PRKG1: variants seen among roughly 807,000 people sequenced by gnomAD.
PRKG1 encodes cGMP-dependent protein kinase 1.
PRKG1 carries 35 observed loss-of-function variants against 88.1 expected under a neutral mutation model. That is an observed-to-expected ratio of 0.40 (90% CI 0.30 to 0.53). The LOEUF is 0.53. Ranked by LOEUF, PRKG1 falls within the 20% of genes least tolerant of loss-of-function variation. The pLI is 0.59. For missense variants in PRKG1, 540 were observed against 839.8 expected (o/e 0.64, Z 4.41); for synonymous variants, 303 against 292.5 (o/e 1.04, Z -0.37).
chr10:51,997,157 T>C (rs1475058120), intron 5 of PRKG1, among the ~76,000 whole-genome samples: 1 of 151,974 alleles, frequency 6.6e-6, no homozygotes, highest in Non-Finnish European at 1.5e-5. Flanking sequence ...TGTTGGTCAA[T>C]GGATCCAAAA....
At chr10:51,325,499 C>T (rs1467186363) in intron 2 of PRKG1, among the ~76,000 whole-genome samples, 1 of 152,162 alleles carries the variant, frequency 6.6e-6, no homozygotes, top group Non-Finnish European at 1.5e-5. Context: ...GTGCCTGGCT[C>T]TTCAAGTTTT....
chr10:51,245,219 G>T (rs1302650845), intron 2 of PRKG1: 1 of 151,992 alleles, frequency 6.6e-6, no homozygotes, highest in Admixed American at 6.6e-5. Flanking sequence ...CTCTGAATAT[G>T]AGAGGCTTCC....
chr10:51,473,949 A>T (rs1219761095), intron 3 of PRKG1, among the ~76,000 whole-genome samples: 4 of 151,958 alleles, frequency 2.6e-5, no homozygotes, highest in South Asian at 2.1e-4. Context: ...GAGGAATAAA[A>T]AGTAAACTAG....
intron 3 of PRKG1, among the ~76,000 whole-genome samples, chr10:51,786,062 C>T (rs570810182): frequency 1.2e-4 from 19 of 152,238 alleles, no homozygotes; most frequent in South Asian, 8.3e-4. Flanking sequence ...TCCTGTAAAT[C>T]TGTAGCTAAC....
At chr10:51,879,632 CTTTAAACCTGCCTCCCTTGGT>C (rs1841387243) in intron 4 of PRKG1, among the ~76,000 whole-genome samples, 1 of 152,192 alleles carries the variant, frequency 6.6e-6, no homozygotes, top group South Asian at 2.1e-4. Flanking sequence ...GTGTCCATGA[CTTTAAACCTGCCTCCCTTGGT>C]AGGAAACAAA....
intron 1 of PRKG1, among the ~76,000 whole-genome samples, chr10:51,024,284 A>G (rs1169753853): frequency 6.6e-6 from 1 of 152,204 alleles, no homozygotes; most frequent in Non-Finnish European, 1.5e-5. Flanking sequence ...TGAGGCCCAA[A>G]TCATAGCCAA....
intron 5 of PRKG1, among the ~76,000 whole-genome samples, chr10:51,924,707 C>G (rs75281469): frequency 7.7e-6 from 1 of 130,508 alleles, no homozygotes; most frequent in Non-Finnish European, 1.6e-5. Flanking sequence ...CCTCAGTTCT[C>G]GAATATTCTT....
At chr10:52,207,971 G>T (rs11001190) in intron 9 of PRKG1, among the ~76,000 whole-genome samples, 26,307 of 151,836 alleles carry the variant, frequency 0.17, 2,763 homozygotes, top group South Asian at 0.29. Context: ...CTTCTTGGTC[G>T]CCCTTCCATC....
rs140889497 is a variant in PRKG1 at position 52,080,868 on chromosome 10, C to T, written c.935+18237C>T. Among the ~76,000 whole-genome samples the T allele has an allele frequency of 1.7e-3, 255 of 152,184 alleles. 3 individuals are homozygous for T. The highest frequency in any genetic ancestry group is 5.4e-3 in the African/African-American group (226 of 41,544). On this transcript the variant is annotated intron_variant, in intron 7 of 17. Coordinates refer to ENST00000373980, the MANE Select transcript of PRKG1 (RefSeq NM_006258.4). ...ACCAAGATCACTTTTAAGACCATGT[C>T]ATTCCTCTAGCTGTCCAGAGTGTTG...
chr10:52,068,882 C>T lies in PRKG1; in HGVS notation c.935+6251C>T, dbSNP rs982457055. ...TTTCGTTAGGTCATAGCTTCTGGTT[C>T]TCTGAGAGTTGGCCCTTTTCCACCT... is the stretch of plus-strand genomic sequence containing the variant. On this transcript the variant is annotated intron_variant, in intron 7 of 17. Coordinates refer to ENST00000373980, the MANE Select transcript of PRKG1 (RefSeq NM_006258.4). Among the ~76,000 whole-genome samples, 8 of 152,314 alleles carry T rather than the reference C, an allele frequency of 5.3e-5. No homozygotes were observed. In the East Asian group the frequency reaches 1.2e-3, roughly 22 times the overall value.
At chr10:51,077,032 A>G (rs1360519404) in intron 1 of PRKG1, among the ~76,000 whole-genome samples, 1 of 152,184 alleles carries the variant, frequency 6.6e-6, no homozygotes, top group East Asian at 1.9e-4. Context: ...TCACACTTAC[A>G]TAAAGAAAAC....
At chr10:51,602,372 C>G (rs1838628926) in intron 3 of PRKG1, among the ~76,000 whole-genome samples, 2 of 152,074 alleles carry the variant, frequency 1.3e-5, no homozygotes, top group South Asian at 4.1e-4. Flanking sequence ...CTTATGTTTA[C>G]TTGTAGACAT....
At chr10:51,768,914 A>C (rs1025048780) in intron 3 of PRKG1, among the ~76,000 whole-genome samples, 5 of 152,204 alleles carry the variant, frequency 3.3e-5, no homozygotes, top group African/African-American at 1.2e-4. Context: ...CTGACTATTA[A>C]TATGTTATGC....
At chr10:52,139,854 G>A (rs190571589) in intron 8 of PRKG1, among the ~76,000 whole-genome samples, 56 of 152,064 alleles carry the variant, frequency 3.7e-4, no homozygotes, top group Admixed American at 3.7e-3. Flanking sequence ...CTCGGACAAG[G>A]GGTTGGCAAA....
At chr10:51,061,941 T>C (rs1452529800) in intron 1 of PRKG1, among the ~76,000 whole-genome samples, 1 of 152,204 alleles carries the variant, frequency 6.6e-6, no homozygotes, top group Non-Finnish European at 1.5e-5. Context: ...TGGGTCTCCT[T>C]CTGTTGCATG....
intron 3 of PRKG1, among the ~76,000 whole-genome samples, chr10:51,650,440 T>G (rs967473482): frequency 3.3e-5 from 5 of 152,230 alleles, no homozygotes; most frequent in African/African-American, 4.8e-5. Flanking sequence ...AAAATTTTCT[T>G]GTATAACCGT....
intron 2 of PRKG1, among the ~76,000 whole-genome samples, chr10:51,441,123 G>A (rs1405369919): frequency 6.6e-6 from 1 of 151,876 alleles, no homozygotes; most frequent in African/African-American, 2.4e-5. Flanking sequence ...ACTTTCACTT[G>A]TATGTTCTAT....
rs149140774 is a variant in PRKG1 at position 51,483,009 on chromosome 10, CTT to C, written c.592+15192_592+15193del. On this transcript the variant is annotated intron_variant, in intron 3 of 17. Transcript: ENST00000373980. ...GTTTCCTGAATCTTTTCTTTTCTTTCTTTTTTTTTTTTTTTTTTTTGAGATGA... is the reference window on the plus strand; with the variant it reads ...GTTTCCTGAATCTTTTCTTTTCTTTCTTTTTTTTTTTTTTTTTTGAGATGA... Among the ~76,000 whole-genome samples the C allele has an allele frequency of 6.3e-3, 696 of 110,352 alleles. 1 individual carries two copies. Among genetic ancestry groups the C allele is most frequent in the African/African-American group, 8.9e-3 (261 of 29,272 alleles). The allele number at this position is 110,352 out of a possible 152,430, so 72.4% of individuals were successfully genotyped here.
chr10:51,674,751 G>T (rs781337375), intron 3 of PRKG1, among the ~76,000 whole-genome samples: 3 of 152,166 alleles, frequency 2.0e-5, no homozygotes, highest in Non-Finnish European at 4.4e-5. Context: ...ATGAACCCGA[G>T]ACGTTCTAGC....
Sources: gnomAD v4.1 joint callset for allele counts (sites outside exome capture counted in the v4.1 genomes callset) on GRCh38, gnomAD v4.1.1 for gene constraint, MANE v1.5 for transcripts, NCBI Gene and HGNC (gene_info 2026-07-23, HGNC 2026-07-21) for gene names.